The following CERS6 variants were observed in gnomAD, a reference collection of about 807,000 sequenced individuals.
CERS6 encodes ceramide synthase 6, also known as LAG1 homolog, ceramide synthase 6.
CERS6 carries 26 observed loss-of-function variants against 56.8 expected under a neutral mutation model. The observed-to-expected ratio is 0.46, with a 90% CI of 0.34 to 0.63. The LOEUF is 0.63. Among genes scored for constraint, CERS6 ranks in the 30% least tolerant of loss-of-function variants. CERS6 has a pLI of 0.01. For synonymous variants in CERS6, 164 were observed against 173.3 expected (o/e 0.95, Z 0.42); for missense variants, 415 against 467.5 (o/e 0.89, Z 1.04).
chr2:168,722,430 C>A (rs1204041493), intron 8 of CERS6, among the ~76,000 whole-genome samples: 1 of 151,880 alleles, frequency 6.6e-6, no homozygotes, highest in Non-Finnish European at 1.5e-5. Flanking sequence ...CCATTTAGGC[C>A]TATGCTGTGT....
intron 3 of CERS6, among the ~76,000 whole-genome samples, chr2:168,630,002 G>C (rs1435957298): frequency 6.6e-6 from 1 of 151,832 alleles, no homozygotes; most frequent in African/African-American, 2.4e-5. Flanking sequence ...ATTTTTATTA[G>C]AGACGGGATT....
At position 168,520,598 on chromosome 2, in the gene CERS6, C is replaced by CTTTTTTTTTTTTTTTTTTTT. The variant is rs150724635; in HGVS notation, c.171-26988_171-26969dup. Among the ~76,000 whole-genome samples the CTTTTTTTTTTTTTTTTTTTT allele has an allele frequency of 7.4e-3, 431 of 57,932 alleles. 81 individuals carry two copies. The highest frequency in any genetic ancestry group is 0.037 in the Middle Eastern group (2 of 54). The allele number at this position is 57,932 out of a possible 152,430, so 38.0% of individuals were successfully genotyped here. ...TTAACTCTTTAACATTTACAATATC[C>CTTTTTTTTTTTTTTTTTTTT]TTTTTTTTTTTTTTTTTTTTTTTTT... is the stretch of plus-strand genomic sequence containing the variant. On this transcript the variant is annotated intron_variant, in intron 1 of 9. Coordinates refer to ENST00000305747, the MANE Select transcript of CERS6 (RefSeq NM_203463.3).
intron 4 of CERS6, among the ~76,000 whole-genome samples, chr2:168,685,404 C>T (rs1686322902): frequency 6.6e-6 from 1 of 152,136 alleles, no homozygotes; most frequent in Non-Finnish European, 1.5e-5. Context: ...AACCATTGAC[C>T]ACTTGCCTGG....
At chr2:168,477,389 C>T (rs1254870348) in intron 1 of CERS6, among the ~76,000 whole-genome samples, 2 of 152,142 alleles carry the variant, frequency 1.3e-5, no homozygotes, top group Non-Finnish European at 2.9e-5. Flanking sequence ...TTTAACACAA[C>T]TATATAAGCT....
intron 1 of CERS6, among the ~76,000 whole-genome samples, chr2:168,523,541 C>T (rs566978319): frequency 5.9e-5 from 9 of 152,104 alleles, no homozygotes; most frequent in African/African-American, 2.2e-4. Context: ...GACAGTGGCA[C>T]GTGCAGCACT....
intron 4 of CERS6, among the ~76,000 whole-genome samples, chr2:168,655,924 T>A (rs201332505): frequency 5.9e-5 from 9 of 152,226 alleles, no homozygotes; most frequent in Non-Finnish European, 1.2e-4. Context: ...ATCTGCTTCA[T>A]TGTAGTAACC....
chr2:168,582,087 CTCT>C (rs892604807), intron 3 of CERS6, among the ~76,000 whole-genome samples: 3 of 152,170 alleles, frequency 2.0e-5, no homozygotes, highest in African/African-American at 4.8e-5. Context: ...TTCCCTTTTT[CTCT>C]TCTTCTGCTT....
chr2:168,583,578 C>T (rs1483946890), intron 3 of CERS6, among the ~76,000 whole-genome samples: 1 of 152,196 alleles, frequency 6.6e-6, no homozygotes, highest in Non-Finnish European at 1.5e-5. Flanking sequence ...CCAAACCAGT[C>T]ATTAGGCTTT....
chr2:168,480,188 T>C (rs1694154159), intron 1 of CERS6, among the ~76,000 whole-genome samples: 1 of 152,228 alleles, frequency 6.6e-6, no homozygotes, highest in South Asian at 2.1e-4. Context: ...TTGAGTCCTT[T>C]AATCAGCAGG....
At chr2:168,470,212 CA>C (rs752453936) in intron 1 of CERS6, among the ~76,000 whole-genome samples, 1,137 of 105,652 alleles carry the variant, frequency 0.011, 5 homozygotes, top group East Asian at 0.029. Context: ...CCAACTCTAC[CA>C]AAAAAAAAAA....
chr2:168,554,492 A>G (rs1162521879), intron 2 of CERS6, among the ~76,000 whole-genome samples: 2 of 152,210 alleles, frequency 1.3e-5, no homozygotes, highest in Admixed American at 6.5e-5. Flanking sequence ...TTGGACACAG[A>G]GATAGGCATG....
At chr2:168,631,390 ATT>A (rs1376210971) in intron 4 of CERS6, among the ~76,000 whole-genome samples, 3 of 135,970 alleles carry the variant, frequency 2.2e-5, no homozygotes, top group African/African-American at 2.7e-5. Context: ...AACTATATAT[ATT>A]ATATAATATA....
At chr2:168,765,512 T>C in intron 8 of CERS6, 80 bp from the exon 9 acceptor site, 2 of 1,430,926 alleles carry the variant, frequency 1.4e-6, no homozygotes, top group Non-Finnish European at 1.9e-6. Flanking sequence ...GTTGACCTTG[T>C]GCTTTAATGC....
intron 3 of CERS6, among the ~76,000 whole-genome samples, chr2:168,576,757 T>C (rs773336914): frequency 1.3e-5 from 2 of 152,202 alleles, no homozygotes; most frequent in Non-Finnish European, 2.9e-5. Context: ...CATACATACA[T>C]ACACATATGT....
rs1684918038 is a variant in CERS6 at position 168,773,461 on chromosome 2, T to C, written c.*3799T>C. The C allele has an allele frequency of 6.6e-6, 1 of 152,152 alleles. No individual in the cohort carries two copies. Among genetic ancestry groups the C allele is most frequent in the Non-Finnish European group, 1.5e-5 (1 of 68,020 alleles). 9.4% of individuals were successfully genotyped at this position (152,152 alleles called of 1,614,324 possible). On this transcript the variant is annotated 3_prime_UTR_variant, in exon 10 of 10. Coordinates refer to ENST00000305747, the MANE Select transcript of CERS6 (RefSeq NM_203463.3). ...GGCTGATTTCTGCTTTGTAGATAAA[T>C]AATAATAGCCCTGAGATGTTTCTAA...
chr2:168,769,389 C>A, intron 9 of CERS6, 121 bp from the exon 10 acceptor site: 2 of 867,936 alleles, frequency 2.3e-6, no homozygotes, highest in Non-Finnish European at 3.4e-6. Context: ...TGTTCTCATC[C>A]TCTTCAGTTT....
At chr2:168,554,210 T>G (rs1008605349) in intron 2 of CERS6, among the ~76,000 whole-genome samples, 1 of 151,900 alleles carries the variant, frequency 6.6e-6, no homozygotes, top group Non-Finnish European at 1.5e-5. Context: ...AAATGGAAAG[T>G]AGAACATAAT....
intron 2 of CERS6, among the ~76,000 whole-genome samples, chr2:168,554,270 T>A (rs541775043): frequency 1.3e-4 from 20 of 152,324 alleles, no homozygotes; most frequent in African/African-American, 4.8e-4. Context: ...TGGACTTAAT[T>A]CATCTAATAA....
intron 6 of CERS6, among the ~76,000 whole-genome samples, chr2:168,700,043 C>T (rs1248817209): frequency 1.3e-5 from 2 of 152,222 alleles, no homozygotes; most frequent in Admixed American, 1.3e-4. Context: ...GGAAGCATCC[C>T]TGGCAGAGTT....
Sources: gnomAD v4.1 joint callset for allele counts (sites outside exome capture counted in the v4.1 genomes callset) on GRCh38, gnomAD v4.1.1 for gene constraint, MANE v1.5 for transcripts, NCBI Gene and HGNC (gene_info 2026-07-23, HGNC 2026-07-21) for gene names.